The following ST6GALNAC3 variants were observed in gnomAD, a reference collection of about 807,000 sequenced individuals.
ST6GALNAC3 encodes ST6 N-acetylgalactosaminide alpha-2,6-sialyltransferase 3.
ST6GALNAC3 carries 25 observed loss-of-function variants against 32.7 expected under a neutral mutation model. That is an observed-to-expected ratio of 0.76 (90% CI 0.56 to 1.07). ST6GALNAC3 has a LOEUF of 1.07. ST6GALNAC3 is among the 50% of genes least tolerant of loss of function. ST6GALNAC3 has a pLI of 0.00. For synonymous variants in ST6GALNAC3, 129 were observed against 133.1 expected (o/e 0.97, Z 0.21); for missense variants, 355 against 382.4 (o/e 0.93, Z 0.60).
chr1:76,202,141 C>A (rs1378748050), intron 1 of ST6GALNAC3, among the ~76,000 whole-genome samples: 4 of 151,994 alleles, frequency 2.6e-5, no homozygotes, highest in African/African-American at 4.8e-5. Flanking sequence ...GAAACAAAAC[C>A]ATGAATACAT....
chr1:76,239,676 C>G (rs1230541882), intron 1 of ST6GALNAC3, among the ~76,000 whole-genome samples: 1 of 152,180 alleles, frequency 6.6e-6, no homozygotes, highest in African/African-American at 2.4e-5. Context: ...TCCCCCGTGA[C>G]CCAGCACCTC....
At chr1:76,352,534 T>C (rs944111577) in intron 2 of ST6GALNAC3, among the ~76,000 whole-genome samples, 1 of 144,214 alleles carries the variant, frequency 6.9e-6, no homozygotes, top group Non-Finnish European at 1.5e-5. Flanking sequence ...CCGGCCAATC[T>C]CTAATTGCTG....
At chr1:76,306,667 AG>A (rs1308425492) in intron 1 of ST6GALNAC3, among the ~76,000 whole-genome samples, 11 of 84,532 alleles carry the variant, frequency 1.3e-4, no homozygotes, top group African/African-American at 3.5e-4. Flanking sequence ...TTCCCAAAGG[AG>A]TTTTTTTTTT....
chr1:76,547,964 G>T (rs1664400112), intron 3 of ST6GALNAC3, among the ~76,000 whole-genome samples: 1 of 151,522 alleles, frequency 6.6e-6, no homozygotes, highest in Non-Finnish European at 1.5e-5. Flanking sequence ...AGCTCCCCTT[G>T]CTTTGAGCCA....
chr1:76,573,742 A>G (rs2100510313), intron 3 of ST6GALNAC3, among the ~76,000 whole-genome samples: 1 of 152,178 alleles, frequency 6.6e-6, no homozygotes, highest in East Asian at 1.9e-4. Flanking sequence ...TAAATAAAAA[A>G]TAAACACATT....
At chr1:76,457,561 G>A (rs1355576997) in intron 3 of ST6GALNAC3, among the ~76,000 whole-genome samples, 2 of 151,032 alleles carry the variant, frequency 1.3e-5, no homozygotes, top group Non-Finnish European at 3.0e-5. Flanking sequence ...ACACAACAGA[G>A]CCCTCAGAAA....
At chr1:76,248,426 A>C (rs1403782349) in intron 1 of ST6GALNAC3, among the ~76,000 whole-genome samples, 1 of 152,190 alleles carries the variant, frequency 6.6e-6, no homozygotes, top group Non-Finnish European at 1.5e-5. Context: ...ATCTAAGGAA[A>C]CTGAGAGCAG....
At chr1:76,110,548 CT>C (rs1414466571) in intron 1 of ST6GALNAC3, among the ~76,000 whole-genome samples, 1 of 152,240 alleles carries the variant, frequency 6.6e-6, no homozygotes, top group East Asian at 1.9e-4. Flanking sequence ...GGAGTGTCAG[CT>C]CCCTGCATCA....
chr1:76,251,471 T>C (rs1430197945), intron 1 of ST6GALNAC3, among the ~76,000 whole-genome samples: 9 of 152,158 alleles, frequency 5.9e-5, no homozygotes, highest in Non-Finnish European at 5.9e-5. Context: ...TCAACCTCTC[T>C]TTCTAGCCTT....
chr1:76,595,258 C>T (rs1024000167), intron 3 of ST6GALNAC3, among the ~76,000 whole-genome samples: 5 of 152,088 alleles, frequency 3.3e-5, no homozygotes, highest in African/African-American at 1.2e-4. Context: ...TTTCAGGGAG[C>T]AGTCTTGTGC....
intron 2 of ST6GALNAC3, among the ~76,000 whole-genome samples, chr1:76,333,159 G>C (rs1647230918): frequency 6.6e-6 from 1 of 152,144 alleles, no homozygotes; most frequent in African/African-American, 2.4e-5. Context: ...TCAACCCTCA[G>C]AGAAAATGAG....
At chr1:76,432,987 A>C (rs943976196) in intron 3 of ST6GALNAC3, among the ~76,000 whole-genome samples, 30 of 152,060 alleles carry the variant, frequency 2.0e-4, no homozygotes, top group African/African-American at 7.0e-4. Context: ...TTGTGACAAA[A>C]ACCTTTTGCC....
At chr1:76,217,749 TGA>T (rs919442037) in intron 1 of ST6GALNAC3, among the ~76,000 whole-genome samples, 6 of 152,216 alleles carry the variant, frequency 3.9e-5, no homozygotes, top group Non-Finnish European at 8.8e-5. Context: ...CTCCCACGTA[TGA>T]GAGAGAACAT....
At chr1:76,607,503 C>T (rs1647639615) in intron 3 of ST6GALNAC3, among the ~76,000 whole-genome samples, 3 of 152,084 alleles carry the variant, frequency 2.0e-5, no homozygotes, top group Admixed American at 2.0e-4. Context: ...ACTAGGCATT[C>T]ATATTACTCT....
intron 1 of ST6GALNAC3, among the ~76,000 whole-genome samples, chr1:76,171,455 T>C (rs1318811502): frequency 1.3e-5 from 2 of 150,296 alleles, no homozygotes; most frequent in African/African-American, 4.9e-5. Context: ...TTGATGGTGA[T>C]AGAGACGTGA....
At chr1:76,612,175 A>T (rs780786830) in intron 3 of ST6GALNAC3, among the ~76,000 whole-genome samples, 1 of 152,094 alleles carries the variant, frequency 6.6e-6, no homozygotes, top group Non-Finnish European at 1.5e-5. Context: ...TTGAAGGGAC[A>T]TCTTGGGAGG....
At chr1:76,460,363 C>T (rs557068697) in intron 3 of ST6GALNAC3, among the ~76,000 whole-genome samples, 2 of 151,872 alleles carry the variant, frequency 1.3e-5, no homozygotes, top group East Asian at 3.9e-4. Context: ...AATCTATAGA[C>T]AAAATAAAAG....
intron 1 of ST6GALNAC3, among the ~76,000 whole-genome samples, chr1:76,270,599 T>A (rs530922490): frequency 6.6e-6 from 1 of 152,014 alleles, no homozygotes; most frequent in African/African-American, 2.4e-5. Flanking sequence ...GAGTTTCATT[T>A]GGTTGCTACC....
chr1:76,227,024 T>C (rs1273111721), intron 1 of ST6GALNAC3, among the ~76,000 whole-genome samples: 1 of 152,202 alleles, frequency 6.6e-6, no homozygotes, highest in East Asian at 1.9e-4. Context: ...TAAAGGTTTT[T>C]GTTGTTGTTG....
Sources: gnomAD v4.1 joint callset for allele counts (sites outside exome capture counted in the v4.1 genomes callset) on GRCh38, gnomAD v4.1.1 for gene constraint, MANE v1.5 for transcripts, NCBI Gene and HGNC (gene_info 2026-07-23, HGNC 2026-07-21) for gene names.